Variants in FOXP1 observed in about 807,000 individuals in gnomAD.
The protein encoded by FOXP1 is forkhead box protein P1.
A neutral mutation model predicts 98.2 loss-of-function variants in FOXP1; 15 were observed. The observed-to-expected ratio is 0.15, with a 90% CI of 0.10 to 0.24. FOXP1 has a LOEUF of 0.24. Ranked by LOEUF, FOXP1 falls within the 10% of genes least tolerant of loss-of-function variation. The pLI, the probability that FOXP1 is intolerant of heterozygous loss-of-function variation, is 1.00. For synonymous variants in FOXP1, 371 were observed against 314.5 expected (o/e 1.18, Z -1.90); for missense variants, 633 against 848.5 (o/e 0.75, Z 3.15).
intron 3 of FOXP1, among the ~76,000 whole-genome samples, chr3:71,459,883 A>G (rs888945790): frequency 6.6e-6 from 1 of 152,120 alleles, no homozygotes; most frequent in Non-Finnish European, 1.5e-5. Context: ...CTTAAGAAGA[A>G]AGATTACGTG....
chr3:71,260,049 TCTCGG>T (rs1439676439), intron 5 of FOXP1, among the ~76,000 whole-genome samples: 1 of 152,192 alleles, frequency 6.6e-6, no homozygotes, highest in Non-Finnish European at 1.5e-5. Flanking sequence ...AGCGGCGCAA[TCTCGG>T]CTCACTGCAA....
At chr3:71,305,060 C>A (rs1175575737) in intron 4 of FOXP1, among the ~76,000 whole-genome samples, 4 of 152,086 alleles carry the variant, frequency 2.6e-5, no homozygotes, top group African/African-American at 7.2e-5. Flanking sequence ...AAGCAGAATA[C>A]CCCCATCATA....
At chr3:71,004,785 C>T (rs2042560343) in intron 12 of FOXP1, among the ~76,000 whole-genome samples, 4 of 152,048 alleles carry the variant, frequency 2.6e-5, no homozygotes, top group South Asian at 4.1e-4. Flanking sequence ...GATGTTAAGC[C>T]GGTCATACGT....
chr3:70,965,193 T>C (rs1056031701), intron 20 of FOXP1, among the ~76,000 whole-genome samples: 2 of 152,200 alleles, frequency 1.3e-5, no homozygotes, highest in African/African-American at 2.4e-5. Context: ...GAGGGTGTTA[T>C]AGTTACACCA....
chr3:71,158,111 G>GGGAAGGAA (rs1553762372), intron 6 of FOXP1, among the ~76,000 whole-genome samples: 1 of 57,910 alleles, frequency 1.7e-5, no homozygotes, highest in Non-Finnish European at 3.5e-5. Flanking sequence ...AAGGAAGGGA[G>GGGAAGGAA]GGAGGGAGGG....
intron 5 of FOXP1, among the ~76,000 whole-genome samples, chr3:71,291,864 G>A (rs1324973998): frequency 6.6e-6 from 1 of 151,790 alleles, no homozygotes; most frequent in African/African-American, 2.4e-5. Context: ...GCGCCACCAT[G>A]CCCAGCTAAT....
At chr3:71,309,020 C>T (rs1340805705) in intron 4 of FOXP1, among the ~76,000 whole-genome samples, 1 of 152,080 alleles carries the variant, frequency 6.6e-6, no homozygotes, top group Non-Finnish European at 1.5e-5. Flanking sequence ...CTACCCTAAC[C>T]CACTCTCACT....
intron 6 of FOXP1, among the ~76,000 whole-genome samples, chr3:71,168,444 T>G (rs1292441207): frequency 6.6e-6 from 1 of 152,232 alleles, no homozygotes; most frequent in Admixed American, 6.5e-5. Flanking sequence ...GGTTCCCTTG[T>G]CATCATGTAA....
chr3:71,001,850 A>G (rs2107618928), intron 12 of FOXP1, among the ~76,000 whole-genome samples: 1 of 152,352 alleles, frequency 6.6e-6, no homozygotes, highest in East Asian at 1.9e-4. Context: ...TTGAAAATAA[A>G]AATTCATGTC....
intron 3 of FOXP1, among the ~76,000 whole-genome samples, chr3:71,380,627 G>A (rs1427148232): frequency 6.8e-6 from 1 of 148,104 alleles, no homozygotes; most frequent in African/African-American, 2.5e-5. Flanking sequence ...ACTCTTCAAT[G>A]TTTGATATGC....
intron 5 of FOXP1, among the ~76,000 whole-genome samples, chr3:71,224,788 G>A (rs2065701535): frequency 6.6e-6 from 1 of 152,188 alleles, no homozygotes; most frequent in African/African-American, 2.4e-5. Context: ...GATTAGCACT[G>A]TAGGCCAAGG....
chr3:71,159,781 G>A (rs1297474983), intron 6 of FOXP1, among the ~76,000 whole-genome samples: 3 of 151,972 alleles, frequency 2.0e-5, no homozygotes, highest in Non-Finnish European at 2.9e-5. Context: ...ACACACAATG[G>A]GTTTATCAAT....
chr3:71,129,727 CAT>C (rs1020186973), intron 6 of FOXP1, among the ~76,000 whole-genome samples: 50 of 152,198 alleles, frequency 3.3e-4, no homozygotes, highest in African/African-American at 1.1e-3. Context: ...AATGTCAAAT[CAT>C]GTGTTTAAAA....
intron 4 of FOXP1, among the ~76,000 whole-genome samples, chr3:71,356,688 T>C (rs1263816866): frequency 6.6e-6 from 1 of 152,168 alleles, no homozygotes; most frequent in African/African-American, 2.4e-5. Flanking sequence ...CCTAGGGTTG[T>C]TCAGCCAGGA....
intron 3 of FOXP1, among the ~76,000 whole-genome samples, chr3:71,380,409 C>T (rs1367291682): frequency 5.9e-5 from 9 of 152,208 alleles, no homozygotes; most frequent in Admixed American, 3.9e-4. Flanking sequence ...GGTAAAACAA[C>T]AGCAAAGGCC....
At chr3:71,194,278 GAA>G (rs2063172098) in intron 6 of FOXP1, among the ~76,000 whole-genome samples, 1 of 134,840 alleles carries the variant, frequency 7.4e-6, no homozygotes, top group African/African-American at 2.9e-5. Context: ...AAAAAAAAAA[GAA>G]AGAAAGAAAC....
intron 5 of FOXP1, among the ~76,000 whole-genome samples, chr3:71,266,453 T>C (rs2069671665): frequency 6.6e-6 from 1 of 152,146 alleles, no homozygotes; most frequent in South Asian, 2.1e-4. Flanking sequence ...TTTCACCATA[T>C]GTTGCCCAGG....
chr3:70,980,555 G>A (rs1018838100), intron 14 of FOXP1, among the ~76,000 whole-genome samples: 1 of 152,034 alleles, frequency 6.6e-6, no homozygotes, highest in Admixed American at 6.5e-5. Flanking sequence ...CCAGACCCAA[G>A]GTCAAACCAC....
chr3:71,035,672 GGTTCTCCAAAAT>G (rs2047479964), intron 11 of FOXP1, among the ~76,000 whole-genome samples: 1 of 152,130 alleles, frequency 6.6e-6, no homozygotes, highest in Non-Finnish European at 1.5e-5. Flanking sequence ...TTTGACCACA[GGTTCTCCAAAAT>G]GCTCTAACGG....
Sources: gnomAD v4.1 joint callset for allele counts (sites outside exome capture counted in the v4.1 genomes callset) on GRCh38, gnomAD v4.1.1 for gene constraint, MANE v1.5 for transcripts, NCBI Gene and HGNC (gene_info 2026-07-23, HGNC 2026-07-21) for gene names.